Variants in CLEC16A observed in about 807,000 individuals in gnomAD.
CLEC16A encodes the protein protein CLEC16A.
Under a neutral mutation model 109.5 loss-of-function variants are expected in CLEC16A, and 51 were observed. The observed-to-expected ratio is 0.47, with a 90% CI of 0.37 to 0.59. The LOEUF is 0.59. CLEC16A is among the 20% of genes least tolerant of loss of function. The pLI, the probability that CLEC16A is intolerant of heterozygous loss-of-function variation, is 0.00. For missense variants in CLEC16A, 1,339 were observed against 1,394.0 expected, an observed-to-expected ratio of 0.96 and a Z score of 0.63; for synonymous variants, 673 against 564.2, an observed-to-expected ratio of 1.19 and a Z score of -2.73.
Position 11,180,136 on chromosome 16 carries a change from C to G in CLEC16A, c.*1446C>G, listed in dbSNP as rs544169662. On this transcript the variant is annotated 3_prime_UTR_variant, in exon 24 of 24. Coordinates refer to ENST00000409790, the MANE Select transcript of CLEC16A (RefSeq NM_015226.3). Reference sequence around the variant, plus strand: ...CCTGGCCATAGGGTAGTCTCGGGAGCCGCGCTGAGATCTTTTGCCACCTGC... The same window carrying G: ...CCTGGCCATAGGGTAGTCTCGGGAGGCGCGCTGAGATCTTTTGCCACCTGC... The G allele has an allele frequency of 6.6e-6, 1 of 152,262 alleles. No homozygotes were observed. Among genetic ancestry groups the G allele is most frequent in the Non-Finnish European group, 1.5e-5 (1 of 68,074 alleles). The allele number at this position is 152,262 out of a possible 1,614,324, so 9.4% of individuals were successfully genotyped here.
intron 19 of CLEC16A, among the ~76,000 whole-genome samples, chr16:11,115,935 T>A (rs912954103): frequency 6.6e-6 from 1 of 151,824 alleles, no homozygotes; most frequent in Admixed American, 6.6e-5. Flanking sequence ...CAGGATGAAC[T>A]CTTGGGCTCA....
At chr16:11,175,286 G>T (rs929564745) in intron 23 of CLEC16A, among the ~76,000 whole-genome samples, 3 of 152,244 alleles carry the variant, frequency 2.0e-5, no homozygotes, top group African/African-American at 7.2e-5. Context: ...ATGTCTGTCC[G>T]CTGCTTATGG....
intron 7 of CLEC16A, among the ~76,000 whole-genome samples, chr16:10,976,576 A>G (rs1169730854): frequency 6.6e-6 from 1 of 152,194 alleles, no homozygotes; most frequent in Non-Finnish European, 1.5e-5. Context: ...CAGTTGGGTA[A>G]TAACAACAAT....
chr16:11,108,843 G>A (rs928037603), intron 19 of CLEC16A, among the ~76,000 whole-genome samples: 1 of 152,124 alleles, frequency 6.6e-6, no homozygotes, highest in Non-Finnish European at 1.5e-5. Context: ...GGGCGCGGTG[G>A]CTCATGCCTG....
chr16:11,169,768 G>A (rs1187381177), intron 23 of CLEC16A, among the ~76,000 whole-genome samples: 2 of 152,214 alleles, frequency 1.3e-5, no homozygotes, highest in Admixed American at 1.3e-4. Context: ...GACAGTTGGT[G>A]TGGCCCAGGC....
chr16:11,075,396 GTGTGTGTGTGTGTGTC>G (rs1463165563), intron 19 of CLEC16A, among the ~76,000 whole-genome samples: 12 of 133,280 alleles, frequency 9.0e-5, no homozygotes, highest in African/African-American at 3.0e-4. Context: ...GTGTGTGTGT[GTGTGTGTGTGTGTGTC>G]TGTGTGTGTG....
At chr16:11,085,513 G>T (rs1567296861) in intron 19 of CLEC16A, among the ~76,000 whole-genome samples, 1 of 152,270 alleles carries the variant, frequency 6.6e-6, no homozygotes, top group Non-Finnish European at 1.5e-5. Context: ...AAATGGAGAT[G>T]ATGAGGCCCA....
At chr16:10,991,363 G>A (rs116133238) in intron 10 of CLEC16A, among the ~76,000 whole-genome samples, 2,049 of 147,680 alleles carry the variant, frequency 0.014, 48 homozygotes, top group African/African-American at 0.049. Context: ...GGCGGAGCTT[G>A]CAGTGAGCCG....
intron 13 of CLEC16A, among the ~76,000 whole-genome samples, chr16:11,036,974 T>A (rs955393130): frequency 1.3e-5 from 2 of 152,248 alleles, no homozygotes; most frequent in Non-Finnish European, 2.9e-5. Context: ...TAATGAGAGA[T>A]AAAGTTGTTG....
intron 19 of CLEC16A, among the ~76,000 whole-genome samples, chr16:11,064,610 C>A (rs1332663639): frequency 6.6e-6 from 1 of 152,032 alleles, no homozygotes; most frequent in African/African-American, 2.4e-5. Context: ...GACCTTGTCT[C>A]TACTAAAATC....
intron 16 of CLEC16A, 84 bp from the exon 17 acceptor site, chr16:11,047,208 C>A: frequency 8.7e-7 from 1 of 1,154,182 alleles, no homozygotes; most frequent in Non-Finnish European, 1.2e-6. Context: ...GCCTCTAAAG[C>A]CACAAACTAG....
intron 13 of CLEC16A, chr16:11,027,137 G>A (rs1446048788): frequency 6.9e-7 from 1 of 1,459,556 alleles, no homozygotes; most frequent in Non-Finnish European, 9.5e-7. Context: ...TTTTGGCAAA[G>A]AAGGAGCAGA....
intron 8 of CLEC16A, among the ~76,000 whole-genome samples, chr16:10,978,859 A>C (rs547884482): frequency 1.3e-4 from 20 of 152,290 alleles, no homozygotes; most frequent in African/African-American, 4.6e-4. Context: ...GGGCCTAACT[A>C]TTCTTCTCTA....
chr16:11,047,643 C>G (rs1250448192), intron 17 of CLEC16A: 1 of 220,818 alleles, frequency 4.5e-6, no homozygotes, highest in African/African-American at 2.3e-5. Context: ...ATGTATATAG[C>G]ATGCTGTACA....
chr16:11,125,169 C>T (rs1244416307), intron 21 of CLEC16A, among the ~76,000 whole-genome samples: 1 of 152,206 alleles, frequency 6.6e-6, no homozygotes, highest in East Asian at 1.9e-4. Context: ...GCCCGCGTCC[C>T]ACGTTGTCGT....
Position 11,058,929 on chromosome 16 carries a change from A to T in CLEC16A, c.1996-1973A>T, listed in dbSNP as rs145596350. On this transcript the variant is annotated intron_variant, in intron 18 of 23. Coordinates refer to ENST00000409790, the MANE Select transcript of CLEC16A (RefSeq NM_015226.3). ...TTTCTTTCTCATCCTCATGGTCATG[A>T]CTCCTTATTTGAGAGCTCAAGCTGC... Among the ~76,000 whole-genome samples, 46 of 151,926 alleles carry T rather than the reference A, an allele frequency of 3.0e-4. No homozygotes were observed. The East Asian group carries it at 6.8e-3, about 22-fold the overall frequency.
intron 19 of CLEC16A, among the ~76,000 whole-genome samples, chr16:11,067,253 G>C (rs571606272): frequency 7.2e-6 from 1 of 139,128 alleles, no homozygotes; most frequent in African/African-American, 2.7e-5. Context: ...AAAAGCCAGT[G>C]ACTCTGTCTT....
At chr16:11,072,115 G>C (rs1164916769) in intron 19 of CLEC16A, among the ~76,000 whole-genome samples, 1 of 152,088 alleles carries the variant, frequency 6.6e-6, no homozygotes, top group African/African-American at 2.4e-5. Flanking sequence ...GTACATGTTT[G>C]TCTGTTACAC....
Position 11,003,080 on chromosome 16 carries a change from C to A in CLEC16A, c.1078C>A (p.Pro360Thr), listed in dbSNP as rs2044765112. 1 of 1,610,154 alleles carries A rather than the reference C, an allele frequency of 6.2e-7. No individual in the cohort carries two copies. Among genetic ancestry groups the A allele is most frequent in the Admixed American group, 1.7e-5 (1 of 59,240 alleles). The change falls in exon 11 of 24, where the codon CCC becomes ACC. Residue 360 changes from proline to threonine, a missense_variant. Coordinates refer to ENST00000409790, the MANE Select transcript of CLEC16A (RefSeq NM_015226.3). The part of the protein sequence containing the change: ...EQDIQRSSAK[P>T]SIRCFIKPTE... ...CTTCGTTGGACTTTCCTAGGCCAAG[C>A]CCAGCATTCGGTGCTTCATTAAACC...
Sources: gnomAD v4.1 joint callset for allele counts (sites outside exome capture counted in the v4.1 genomes callset) on GRCh38, gnomAD v4.1.1 for gene constraint, MANE v1.5 for transcripts, NCBI Gene and HGNC (gene_info 2026-07-23, HGNC 2026-07-21) for gene names.